Variants in PDCD11 observed in about 807,000 individuals in gnomAD.
The protein encoded by PDCD11 is protein RRP5 homolog.
Under a neutral mutation model 198.9 loss-of-function variants are expected in PDCD11, and 97 were observed. That is an observed-to-expected ratio of 0.49 (90% CI 0.41 to 0.58). The LOEUF is 0.58. Among genes scored for constraint, PDCD11 ranks in the 20% least tolerant of loss-of-function variants. The pLI is 0.00. For missense variants in PDCD11, 2,102 were observed against 2,312.7 expected, an observed-to-expected ratio of 0.91 and a Z score of 1.87; for synonymous variants, 893 against 918.0, an observed-to-expected ratio of 0.97 and a Z score of 0.49.
At chr10:103,445,302 C>T (rs2032558844) in intron 35 of PDCD11, 76 bp from the exon 36 acceptor site, 1 of 1,394,372 alleles carries the variant, frequency 7.2e-7, no homozygotes, top group Non-Finnish European at 1.0e-6. Context: ...GGGCTGAGAG[C>T]AAGTGGGTGA....
chr10:103,419,117 G>A (rs1359241325), intron 15 of PDCD11, among the ~76,000 whole-genome samples: 1 of 152,176 alleles, frequency 6.6e-6, no homozygotes, highest in African/African-American at 2.4e-5. Flanking sequence ...GTAAAAATGG[G>A]CAGAGGAGGG....
At chr10:103,417,008 A>G (rs2031149967) in intron 13 of PDCD11, among the ~76,000 whole-genome samples, 1 of 152,222 alleles carries the variant, frequency 6.6e-6, no homozygotes, top group Non-Finnish European at 1.5e-5. Context: ...TGCCTCTCAT[A>G]TCGGAAATTG....
chr10:103,419,562 G>T lies in PDCD11; in HGVS notation c.2131G>T (p.Val711Phe). 1 of 1,613,840 alleles carries T rather than the reference G, an allele frequency of 6.2e-7. No individual in the cohort carries two copies. Among genetic ancestry groups the T allele is most frequent in the Non-Finnish European group, 8.5e-7 (1 of 1,179,900 alleles). ...GCTTCTTTGCAGGAAGCCAGCCTTGGTCTCCACAGTAGAAGGTGGCCAGGA... is the reference window on the plus strand; with the variant it reads ...GCTTCTTTGCAGGAAGCCAGCCTTGTTCTCCACAGTAGAAGGTGGCCAGGA... Reference protein sequence around the residue: ...RVLLCRKPALVSTVEGGQDPK... With the variant: ...RVLLCRKPALFSTVEGGQDPK... The change falls in exon 16 of 36, where the codon GTC becomes TTC. Residue 711 changes from valine (V) to phenylalanine (F), a missense_variant. By Grantham distance (50) the Val-to-Phe change is conservative. Transcript: ENST00000369797.
chr10:103,414,860 G>A (rs1030256086), intron 11 of PDCD11, 145 bp from the exon 12 acceptor site: 1 of 727,182 alleles, frequency 1.4e-6, no homozygotes, highest in South Asian at 1.7e-5. Flanking sequence ...TGGGGTGTGT[G>A]CTTCACCCAT....
intron 25 of PDCD11, among the ~76,000 whole-genome samples, chr10:103,435,772 C>T (rs995775485): frequency 6.6e-6 from 1 of 152,198 alleles, no homozygotes; most frequent in Non-Finnish European, 1.5e-5. Context: ...CCTGGCCTCC[C>T]AAAGTGGTGG....
rs1592144035 is a variant in PDCD11 at position 103,443,169 on chromosome 10, G to A, written c.4960G>A (p.Glu1654Lys). 1.3e-6 allele frequency: 2 copies of A among 1,586,008 alleles called. No homozygotes were observed. Among genetic ancestry groups the A allele is most frequent in the East Asian group, 2.3e-5 (1 of 44,218 alleles). Residue 1654 changes from glutamate (E) to lysine (K), a missense_variant, in exon 33 of 36, where the codon GAG becomes AAG. By Grantham distance (56) the Glu-to-Lys change is moderately conservative. Coordinates refer to ENST00000369797, the MANE Select transcript of PDCD11 (RefSeq NM_014976.2). Reference sequence around the variant, plus strand: ...TGCTGACTGCTCTCCCTCCAGAGAGGAGCAGGAGAAGCTGAACGTGTGGGT... The same window carrying A: ...TGCTGACTGCTCTCCCTCCAGAGAGAAGCAGGAGAAGCTGAACGTGTGGGT... The part of the protein sequence containing the change: ...RALKTISFRE[E>K]QEKLNVWVAL...
intron 19 of PDCD11, among the ~76,000 whole-genome samples, chr10:103,424,706 G>T (rs2031606876): frequency 6.6e-6 from 1 of 152,204 alleles, no homozygotes; most frequent in East Asian, 1.9e-4. Context: ...GTAAAATTCA[G>T]ATTTACTAGA....
intron 21 of PDCD11, among the ~76,000 whole-genome samples, chr10:103,428,261 C>T (rs1051887475): frequency 4.0e-5 from 6 of 151,478 alleles, no homozygotes; most frequent in Admixed American, 2.0e-4. Context: ...GTCAAAATCT[C>T]GCCATTGTGC....
chr10:103,417,768 C>T, intron 13 of PDCD11, 24 bp from the exon 14 acceptor site: 9 of 1,611,116 alleles, frequency 5.6e-6, no homozygotes, highest in Non-Finnish European at 7.6e-6. Context: ...AGGAGTTGGC[C>T]AAGCCTGTGT....
At chr10:103,408,655 G>A (rs369958000) in intron 7 of PDCD11, among the ~76,000 whole-genome samples, 17 of 151,986 alleles carry the variant, frequency 1.1e-4, no homozygotes, top group African/African-American at 3.9e-4. Context: ...ATTCTCCTGC[G>A]TTAGCCTCCA....
chr10:103,414,499 T>C (rs1031986124), intron 11 of PDCD11, among the ~76,000 whole-genome samples, 169 bp downstream of exon 11: 1 of 152,194 alleles, frequency 6.6e-6, no homozygotes, highest in East Asian at 1.9e-4. Context: ...TAACTCATAG[T>C]TAATTTCAAG....
At position 103,425,573 on chromosome 10, in the gene PDCD11, T is replaced by C. The variant is rs775017106; in HGVS notation, c.3305+48T>C. ...CTGGCTTCGAGGGAGATTGTTGTTG[T>C]TGTGGGAGGACTGGGAAAGTAGGTG... On this transcript the variant is annotated intron_variant, in intron 20 of 35. Transcript: ENST00000369797. 11 of 1,543,046 alleles carry C rather than the reference T, an allele frequency of 7.1e-6. No individual in the cohort carries two copies. The East Asian group carries it at 2.3e-4, about 32-fold the overall frequency.
chr10:103,406,680 AGTCT>A lies in PDCD11; in HGVS notation c.767_770del (p.Ser256LeufsTer35). 6.2e-7 allele frequency: 1 copy of A among 1,614,164 alleles called. No homozygotes were observed. The highest frequency in any genetic ancestry group is 8.5e-7 in the Non-Finnish European group (1 of 1,180,020). On this transcript the variant is annotated frameshift_variant, in exon 7 of 36. Transcript: ENST00000369797. LOFTEE classifies it high-confidence loss of function. ...GGTGAAAGGCAACGGAGGAGTTGTT[AGTCT>A]GTCTGTTGGTCACTCAGAGGTTTCT...
At position 103,445,602 on chromosome 10, in the gene PDCD11, C is replaced by A. The variant is rs2032576856; in HGVS notation, c.*53C>A. On this transcript the variant is annotated 3_prime_UTR_variant, in exon 36 of 36. Coordinates refer to ENST00000369797, the MANE Select transcript of PDCD11 (RefSeq NM_014976.2). Reference sequence around the variant, plus strand: ...CAACAATGGGCCAGCCCGGCCCCGCCTCGAGTGCCTGGGCACTCGGAAAAC... The same window carrying A: ...CAACAATGGGCCAGCCCGGCCCCGCATCGAGTGCCTGGGCACTCGGAAAAC... 2.0e-6 allele frequency: 3 copies of A among 1,524,000 alleles called. No individual in the cohort carries two copies. Among genetic ancestry groups the A allele is most frequent in the Non-Finnish European group, 2.7e-6 (3 of 1,109,878 alleles). 94.4% of individuals were successfully genotyped at this position (1,524,000 alleles called of 1,614,324 possible). A position where few individuals can be genotyped will look rare whatever the true frequency, so the allele number is the denominator to read the frequency against.
chr10:103,438,972 T>A (rs998451674), intron 27 of PDCD11, among the ~76,000 whole-genome samples, 164 bp downstream of exon 27: 2 of 152,224 alleles, frequency 1.3e-5, no homozygotes, highest in Non-Finnish European at 2.9e-5. Flanking sequence ...CTAATACTTT[T>A]AAAACAACTG....
At chr10:103,400,698 G>A (rs1275946028) in intron 3 of PDCD11, among the ~76,000 whole-genome samples, 170 bp downstream of exon 3, 3 of 151,932 alleles carry the variant, frequency 2.0e-5, no homozygotes, top group Non-Finnish European at 4.4e-5. Context: ...TAAGGAGTAA[G>A]CATGATTTCC....
chr10:103,423,435 GTCC>G, intron 18 of PDCD11, 105 bp from the exon 19 acceptor site: 1 of 833,344 alleles, frequency 1.2e-6, no homozygotes. Context: ...CAGGACATGT[GTCC>G]TCTTTGCTTT....
At chr10:103,437,628 C>G (rs529042487) in intron 25 of PDCD11, among the ~76,000 whole-genome samples, 28 of 152,264 alleles carry the variant, frequency 1.8e-4, no homozygotes, top group African/African-American at 6.5e-4. Flanking sequence ...GTTGGGACTA[C>G]AGGCGCCCGC....
At chr10:103,408,370 A>T (rs528858595) in intron 7 of PDCD11, among the ~76,000 whole-genome samples, 3 of 152,216 alleles carry the variant, frequency 2.0e-5, no homozygotes. Flanking sequence ...TTAGTGTGGT[A>T]CATTATCCAG....
Sources: gnomAD v4.1 joint callset for allele counts (sites outside exome capture counted in the v4.1 genomes callset) on GRCh38, gnomAD v4.1.1 for gene constraint, MANE v1.5 for transcripts, NCBI Gene and HGNC (gene_info 2026-07-23, HGNC 2026-07-21) for gene names.